Variants in TRIOBP observed in about 807,000 individuals in gnomAD.
The protein encoded by TRIOBP is TRIO and F-actin-binding protein.
A neutral mutation model predicts 238.8 loss-of-function variants in TRIOBP; 169 were observed. The ratio of observed to expected loss-of-function variants is 0.71; its 90% confidence interval spans 0.62 to 0.80. The LOEUF is 0.80. Ranked by LOEUF, TRIOBP falls within the 30% of genes least tolerant of loss-of-function variation. The pLI, the probability that TRIOBP is intolerant of heterozygous loss-of-function variation, is 0.00. For synonymous variants in TRIOBP, 1,150 were observed against 1,274.4 expected (o/e 0.90, Z 2.08); for missense variants, 2,838 against 3,122.6 (o/e 0.91, Z 2.17).
Position 37,757,955 on chromosome 22 carries a change from G to A in TRIOBP, c.6030G>A (p.Leu2010=). ...VPAGEGPRRG[L]GAPLTEDQQN... ...CTGGTGAGGGGCCGCGCCGGGGCCTGGGTGCCCCCCTGACTGAGGACCAGC... is the reference window on the plus strand; with the variant it reads ...CTGGTGAGGGGCCGCGCCGGGGCCTAGGTGCCCCCCTGACTGAGGACCAGC... Residue 2010 remains leucine, a synonymous_variant, in exon 16 of 24, where the codon CTG becomes CTA. Coordinates refer to ENST00000644935, the MANE Select transcript of TRIOBP (RefSeq NM_001039141.3). The A allele has an allele frequency of 1.3e-6, 2 of 1,567,620 alleles. No individual in the cohort carries two copies. The highest frequency in any genetic ancestry group is 1.7e-6 in the Non-Finnish European group (2 of 1,157,046).
intron 11 of TRIOBP, among the ~76,000 whole-genome samples, chr22:37,748,950 A>C (rs1170588548): frequency 1.3e-5 from 2 of 152,090 alleles, no homozygotes; most frequent in African/African-American, 4.8e-5. Flanking sequence ...TGTGATCGGC[A>C]AGGAATATGC....
chr22:37,771,869 G>GT (rs1465023042), intron 22 of TRIOBP, 133 bp downstream of exon 22: 1 of 809,504 alleles, frequency 1.2e-6, no homozygotes, highest in Non-Finnish European at 2.1e-6. Context: ...CTTCTCCCAT[G>GT]TAGGTGTCAT....
chr22:37,720,514 G>A (rs906010969), intron 6 of TRIOBP, among the ~76,000 whole-genome samples: 5 of 152,048 alleles, frequency 3.3e-5, no homozygotes, highest in East Asian at 1.9e-4. Context: ...GGGGCACAGC[G>A]ATCTGCTCAC....
chr22:37,740,780 G>A (rs1015165408), intron 10 of TRIOBP, 115 bp from the exon 11 acceptor site: 25 of 1,457,892 alleles, frequency 1.7e-5, no homozygotes, highest in Middle Eastern at 2.3e-4. Context: ...AGAAAGATGG[G>A]AACCCTGGGG....
intron 3 of TRIOBP, among the ~76,000 whole-genome samples, chr22:37,702,151 A>G (rs1922684951): frequency 6.6e-6 from 1 of 151,944 alleles, no homozygotes; most frequent in African/African-American, 2.4e-5. Context: ...AGAAAAAGAA[A>G]AAACAAAACA....
chr22:37,698,140 C>G (rs1922446413), intron 2 of TRIOBP, among the ~76,000 whole-genome samples: 1 of 140,110 alleles, frequency 7.1e-6, no homozygotes, highest in East Asian at 2.3e-4. Flanking sequence ...GCAGAGGTTG[C>G]AGTGAGCCGA....
At position 37,734,447 on chromosome 22, in the gene TRIOBP, G is replaced by A; in HGVS notation, c.4111G>A (p.Ala1371Thr). 6.2e-7 allele frequency: 1 copy of A among 1,613,236 alleles called. No individual in the cohort carries two copies. Among genetic ancestry groups the A allele is most frequent in the Admixed American group, 1.7e-5 (1 of 59,984 alleles). Residue 1371 changes from alanine to threonine, a missense_variant, in exon 9 of 24, where the codon GCA (alanine) becomes ACA (threonine). This residue lies in a region of TRIOBP where 2,096 missense variants were observed against 2,137.4 expected (regional missense o/e 0.98). Transcript: ENST00000644935. ...GGCAGAACTGACCCGGCGGAGCCAA[G>A]CAGAGCCCCCTCATCCTTGGAGTCC... Reference protein sequence around the residue: ...KQAELTRRSQAEPPHPWSPEK... With the variant: ...KQAELTRRSQTEPPHPWSPEK...
intron 12 of TRIOBP, 128 bp from the exon 13 acceptor site, chr22:37,754,749 G>A: frequency 1.2e-6 from 1 of 863,034 alleles, no homozygotes; most frequent in Non-Finnish European, 2.0e-6. Context: ...GGAAATGGAG[G>A]GGCCAGGTCT....
chr22:37,769,616 C>T (rs1297870110), intron 21 of TRIOBP, among the ~76,000 whole-genome samples: 8 of 152,268 alleles, frequency 5.3e-5, no homozygotes. Context: ...TTCTGAGTCC[C>T]AGTAGCTCAT....
Position 37,723,409 on chromosome 22 carries a change from A to G in TRIOBP, c.853A>G (p.Thr285Ala), listed in dbSNP as rs566072854. 6.6e-5 allele frequency: 107 copies of G among 1,613,316 alleles called. 1 individual carries two copies. In the South Asian group the frequency reaches 1.1e-3, roughly 17 times the overall value. The stretch of plus-strand genomic sequence containing the variant: ...CAGAGCCTCCTCTCCCCATCGAATC[A>G]CCCAAAGGGACACCTCCAGGGCCTC... The part of the protein sequence containing the change: ...IPRASSPHRI[T>A]QRDTSRASST... Residue 285 changes from threonine (T) to alanine (A), a missense_variant, in exon 7 of 24, where the codon ACC becomes GCC. Coordinates refer to ENST00000644935, the MANE Select transcript of TRIOBP (RefSeq NM_001039141.3).
chr22:37,763,949 T>C (rs1926364587), intron 17 of TRIOBP, among the ~76,000 whole-genome samples: 1 of 152,224 alleles, frequency 6.6e-6, no homozygotes, highest in South Asian at 2.1e-4. Context: ...GTCCCTTGGC[T>C]CTCGGCCCCT....
In TRIOBP at chr22:37,715,750, C is replaced by G. The variant is rs1198429843; in HGVS notation, c.457-13C>G. 5 of 1,613,628 alleles carry G rather than the reference C, an allele frequency of 3.1e-6. No homozygotes were observed. Among genetic ancestry groups the G allele is most frequent in the Admixed American group, 3.3e-5 (2 of 59,982 alleles). Reference sequence around the variant, plus strand: ...CTCCCGCAAACATACTTTCTCCTCCCCTTCTCTGGCAGGACTGGGACACTG... The same window carrying G: ...CTCCCGCAAACATACTTTCTCCTCCGCTTCTCTGGCAGGACTGGGACACTG... On this transcript the variant is annotated splice_polypyrimidine_tract_variant and intron_variant, in intron 5 of 23. Coordinates refer to ENST00000644935, the MANE Select transcript of TRIOBP (RefSeq NM_001039141.3).
chr22:37,734,514 C>T lies in TRIOBP; in HGVS notation c.4178C>T (p.Pro1393Leu), dbSNP rs28450766. The T allele has an allele frequency of 1.3e-3, 2,132 of 1,606,316 alleles. 33 individuals are homozygous for T. In the African/African-American group the frequency reaches 0.024, roughly 18 times the overall value. Residue 1393 changes from proline to leucine, a missense_variant, in exon 9 of 24, where the codon CCG becomes CTG. Physicochemically the swap from Pro to Leu is moderately conservative, Grantham distance 98. This residue lies in a region of TRIOBP where 2,096 missense variants were observed against 2,137.4 expected (regional missense o/e 0.98). Coordinates refer to ENST00000644935, the MANE Select transcript of TRIOBP (RefSeq NM_001039141.3). The part of the protein sequence containing the change: ...PEGDRQLQGS[P>L]LPPRTSARTP... ...GGAGATCGGCAGCTCCAGGGGTCCC[C>T]GCTGCCCCCCAGGACATCAGCCAGG... is the stretch of plus-strand genomic sequence containing the variant.
intron 3 of TRIOBP, among the ~76,000 whole-genome samples, chr22:37,703,612 C>T (rs1029877484): frequency 1.1e-4 from 17 of 149,698 alleles, no homozygotes; most frequent in African/African-American, 4.2e-4. Context: ...TTATGCCATT[C>T]TCCTGCCTCA....
At chr22:37,735,558 C>A in intron 9 of TRIOBP, 116 bp downstream of exon 9, 1 of 1,244,536 alleles carries the variant, frequency 8.0e-7, no homozygotes, top group Non-Finnish European at 1.1e-6. Flanking sequence ...CCTCCAGGCT[C>A]AGACCTCAGC....
intron 6 of TRIOBP, among the ~76,000 whole-genome samples, chr22:37,721,625 G>A (rs929687918): frequency 6.6e-6 from 1 of 152,070 alleles, no homozygotes; most frequent in Non-Finnish European, 1.5e-5. Context: ...CTACAGGCAC[G>A]TACCACCAGG....
intron 11 of TRIOBP, among the ~76,000 whole-genome samples, chr22:37,745,618 C>T (rs1439278790): frequency 6.6e-6 from 1 of 152,254 alleles, no homozygotes; most frequent in Non-Finnish European, 1.5e-5. Context: ...CAAGAACTCA[C>T]TTTGTGTCCA....
chr22:37,710,372 G>A (rs73409461), intron 3 of TRIOBP, 55 bp from the exon 4 acceptor site: 1 of 1,608,070 alleles, frequency 6.2e-7, no homozygotes. Context: ...TGTGCAGGGG[G>A]AGGGGAGCCC....
intron 11 of TRIOBP, among the ~76,000 whole-genome samples, chr22:37,749,277 C>T (rs1569053524): frequency 6.6e-6 from 1 of 152,116 alleles, no homozygotes; most frequent in Non-Finnish European, 1.5e-5. Flanking sequence ...AACGCTTCAA[C>T]CCGGGAGGTG....
Sources: allele counts gnomAD v4.1 joint callset (sites outside exome capture counted in the v4.1 genomes callset), GRCh38; gene constraint gnomAD v4.1.1; regional missense constraint gnomAD v4.1.1; transcripts MANE v1.5; gene names NCBI Gene and HGNC (gene_info 2026-07-23, HGNC 2026-07-21).